Variants in MC2R observed in about 807,000 individuals in gnomAD.
MC2R encodes melanocortin 2 receptor, also known as adrenocorticotropic hormone receptor.
MC2R carries 9 observed loss-of-function variants against 9.8 expected under a neutral mutation model. The ratio of observed to expected loss-of-function variants is 0.92; its 90% CI spans 0.55 to 1.60. The LOEUF (loss-of-function observed/expected upper bound fraction) is 1.60. MC2R is among the 40% of genes most tolerant of loss of function. MC2R has a pLI of 0.00. For missense variants in MC2R, 370 were observed against 389.0 expected (o/e 0.95, Z 0.41); for synonymous variants, 185 against 154.7 (o/e 1.20, Z -1.45).
intron 1 of MC2R, among the ~76,000 whole-genome samples, chr18:13,894,194 A>G (rs564804363): frequency 6.6e-6 from 1 of 151,978 alleles, no homozygotes; most frequent in South Asian, 2.1e-4. Context: ...GAGAGGATGT[A>G]TCAATATCAA....
At chr18:13,902,451 C>T (rs556226556) in intron 1 of MC2R, among the ~76,000 whole-genome samples, 21 of 152,110 alleles carry the variant, frequency 1.4e-4, no homozygotes, top group Non-Finnish European at 2.4e-4. Context: ...TACTAGAGAG[C>T]TGTAGTAACC....
intron 1 of MC2R, among the ~76,000 whole-genome samples, chr18:13,892,824 A>ACACACACACACACACACACACACAC (rs2045324126): frequency 6.6e-6 from 1 of 150,384 alleles, no homozygotes; most frequent in African/African-American, 2.5e-5. Context: ...ACACACACAC[A>ACACACACACACACACACACACACAC]CACACACACA....
chr18:13,913,258 G>A (rs1483666403), intron 1 of MC2R, among the ~76,000 whole-genome samples: 1 of 151,996 alleles, frequency 6.6e-6, no homozygotes, highest in Non-Finnish European at 1.5e-5. Flanking sequence ...CCTTCCACCC[G>A]CTCACATCTC....
chr18:13,884,453 T>G lies in MC2R; in HGVS notation c.*172A>C. 1 of 725,282 alleles carries G rather than the reference T, an allele frequency of 1.4e-6. No homozygotes were observed. The highest frequency in any genetic ancestry group is 2.4e-6 in the Non-Finnish European group (1 of 415,590). The allele number at this position is 725,282 out of a possible 1,614,324, so 44.9% of individuals were successfully genotyped here. A position where few individuals can be genotyped will look rare whatever the true frequency, so the allele number is the denominator to read the frequency against. On this transcript the variant is annotated 3_prime_UTR_variant, in exon 2 of 2. Coordinates refer to ENST00000327606, the MANE Select transcript of MC2R (RefSeq NM_000529.2). ...CAAAGTTAAGAGGTTGCCCCTACAATAAGACTGTTCACATAGAACCTAGCT... is the reference window on the plus strand; with the variant it reads ...CAAAGTTAAGAGGTTGCCCCTACAAGAAGACTGTTCACATAGAACCTAGCT...
At chr18:13,888,238 C>A (rs916842606) in intron 1 of MC2R, among the ~76,000 whole-genome samples, 1 of 152,116 alleles carries the variant, frequency 6.6e-6, no homozygotes, top group African/African-American at 2.4e-5. Flanking sequence ...CATGGGGAGC[C>A]CTGAATTTGG....
intron 1 of MC2R, among the ~76,000 whole-genome samples, chr18:13,890,173 C>T (rs1598461718): frequency 2.0e-5 from 3 of 152,280 alleles, no homozygotes; most frequent in African/African-American, 7.2e-5. Flanking sequence ...TAGAGAACAG[C>T]AAGACCTGTA....
intron 1 of MC2R, among the ~76,000 whole-genome samples, chr18:13,903,991 ATT>A (rs5823279): frequency 1.3e-5 from 2 of 150,628 alleles, no homozygotes; most frequent in African/African-American, 4.9e-5. Context: ...AGAATTGTAG[ATT>A]TTTTTTTTCA....
chr18:13,885,259 C>T lies in MC2R; in HGVS notation c.260G>A (p.Arg87Lys). Residue 87 changes from arginine (R) to lysine (K), a missense_variant, in exon 2 of 2, where the codon AGA becomes AAA. By Grantham distance (26) the Arg-to-Lys change is conservative. Transcript: ENST00000327606. ...ACGTGGCTTGAGATAGCCCATGTTT[C>T]TCAATATGATCAGGATATTTTCCAA... Reference protein sequence around the residue: ...KILENILIILRNMGYLKPRGS... With the variant: ...KILENILIILKNMGYLKPRGS... 2 of 1,614,118 alleles carry T rather than the reference C, an allele frequency of 1.2e-6. No homozygotes were observed. Among genetic ancestry groups the T allele is most frequent in the Non-Finnish European group, 1.7e-6 (2 of 1,180,038 alleles).
At chr18:13,905,150 C>T (rs761825108) in intron 1 of MC2R, among the ~76,000 whole-genome samples, 68 of 152,010 alleles carry the variant, frequency 4.5e-4, no homozygotes, top group Admixed American at 8.5e-4. Flanking sequence ...TGACAAAGAT[C>T]TAATATCCAG....
At chr18:13,914,706 C>T (rs1372174872) in intron 1 of MC2R, among the ~76,000 whole-genome samples, 1 of 152,164 alleles carries the variant, frequency 6.6e-6, no homozygotes, top group African/African-American at 2.4e-5. Context: ...TATCTGAAGG[C>T]AGCTTAGACA....
chr18:13,914,060 A>ATTT (rs11324197), intron 1 of MC2R, among the ~76,000 whole-genome samples: 17 of 145,912 alleles, frequency 1.2e-4, no homozygotes, highest in Non-Finnish European at 2.3e-4. Context: ...AAAGAATAGG[A>ATTT]TTTTTTTTTT....
rs1567894714 is a variant in MC2R at position 13,883,617 on chromosome 18, ACACACACACACTCTCTCTCT to A, written c.*988_*1007del. 1.3e-5 allele frequency: 1 copy of A among 78,856 alleles called. No individual in the cohort carries two copies. Among genetic ancestry groups the A allele is most frequent in the African/African-American group, 5.0e-5 (1 of 20,010 alleles). 4.9% of individuals were successfully genotyped at this position (78,856 alleles called of 1,614,324 possible). On this transcript the variant is annotated 3_prime_UTR_variant, in exon 2 of 2. Coordinates refer to ENST00000327606, the MANE Select transcript of MC2R (RefSeq NM_000529.2). ...CACACACACACACACACACACACACACACACACACACTCTCTCTCTCTCTCTCTCTCTCTCTCTCTGTCTG... is the reference window on the plus strand; with the variant it reads ...CACACACACACACACACACACACACACTCTCTCTCTCTCTCTCTCTGTCTG...
intron 1 of MC2R, among the ~76,000 whole-genome samples, chr18:13,903,987 G>A (rs985867737): frequency 2.4e-5 from 3 of 127,556 alleles, no homozygotes; most frequent in African/African-American, 1.0e-4. Context: ...TTTAAGAATT[G>A]TAGATTTTTT....
chr18:13,883,839 A>C lies in MC2R; in HGVS notation c.*786T>G, dbSNP rs2045253998. ...ATTAAATTTTCATTTCTTCCTTTGA[A>C]ATGTATGCTCATAAAGCATGAGGAA... On this transcript the variant is annotated 3_prime_UTR_variant, in exon 2 of 2. Coordinates refer to ENST00000327606, the MANE Select transcript of MC2R (RefSeq NM_000529.2). The C allele has an allele frequency of 6.6e-6, 1 of 152,288 alleles. No individual in the cohort carries two copies. The highest frequency in any genetic ancestry group is 6.5e-5 in the Admixed American group (1 of 15,286). The allele number at this position is 152,288 out of a possible 1,614,324, so 9.4% of individuals were successfully genotyped here. A position where few individuals can be genotyped will look rare whatever the true frequency, so the allele number is the denominator to read the frequency against.
intron 1 of MC2R, among the ~76,000 whole-genome samples, chr18:13,892,351 G>A (rs1014644999): frequency 1.3e-5 from 2 of 152,176 alleles, no homozygotes; most frequent in Non-Finnish European, 2.9e-5. Flanking sequence ...AAGTATGGTG[G>A]GGGGCGGGTG....
chr18:13,893,150 C>G (rs148546225), intron 1 of MC2R, among the ~76,000 whole-genome samples: 1 of 152,324 alleles, frequency 6.6e-6, no homozygotes, highest in Non-Finnish European at 1.5e-5. Flanking sequence ...CTGTGAAATT[C>G]TTTGTGATGG....
At chr18:13,899,305 TAC>T (rs536784582) in intron 1 of MC2R, among the ~76,000 whole-genome samples, 333 of 151,072 alleles carry the variant, frequency 2.2e-3, no homozygotes, top group African/African-American at 7.9e-3. Flanking sequence ...TATTTGAAAA[TAC>T]ACAGTCAGAA....
At chr18:13,889,007 C>T (rs191782729) in intron 1 of MC2R, among the ~76,000 whole-genome samples, 110 of 152,336 alleles carry the variant, frequency 7.2e-4, no homozygotes, top group Non-Finnish European at 1.3e-3. Flanking sequence ...AGCCCTTCCA[C>T]CTCCTTCCAG....
intron 1 of MC2R, among the ~76,000 whole-genome samples, chr18:13,895,988 T>G (rs1004793433): frequency 3.3e-5 from 5 of 152,328 alleles, no homozygotes; most frequent in Non-Finnish European, 7.3e-5. Context: ...CTGGCTCTTT[T>G]TTTCTCACAT....
Sources: gnomAD v4.1 joint callset for allele counts (sites outside exome capture counted in the v4.1 genomes callset) on GRCh38, gnomAD v4.1.1 for gene constraint, MANE v1.5 for transcripts, NCBI Gene and HGNC (gene_info 2026-07-23, HGNC 2026-07-21) for gene names.